Variants in UST observed in about 807,000 individuals in gnomAD.
UST encodes the protein uronyl 2-sulfotransferase.
A neutral mutation model predicts 45.6 loss-of-function variants in UST; 21 were observed. The observed-to-expected ratio is 0.46, with a 90% confidence interval of 0.33 to 0.66. The LOEUF (loss-of-function observed/expected upper bound fraction) is 0.66, where lower values mean the gene tolerates loss of function less well. Ranked by LOEUF, UST falls within the 30% of genes least tolerant of loss-of-function variation. The pLI, the probability that UST is intolerant of heterozygous loss-of-function variation, is 0.02. For synonymous variants in UST, 215 were observed against 200.6 expected (o/e 1.07, Z -0.61); for missense variants, 463 against 512.4 (o/e 0.90, Z 0.93).
intron 3 of UST, among the ~76,000 whole-genome samples, chr6:148,946,040 T>A (rs1305385828): frequency 6.6e-6 from 1 of 152,208 alleles, no homozygotes; most frequent in African/African-American, 2.4e-5. Flanking sequence ...CTTACAATAT[T>A]TTAAATTTCC....
At chr6:148,777,685 T>A (rs1301008431) in intron 1 of UST, among the ~76,000 whole-genome samples, 1 of 152,150 alleles carries the variant, frequency 6.6e-6, no homozygotes, top group African/African-American at 2.4e-5. Context: ...GCTGGGATTA[T>A]GGGCACCTGC....
chr6:148,997,809 G>A (rs528641265), intron 5 of UST, among the ~76,000 whole-genome samples: 11 of 152,252 alleles, frequency 7.2e-5, no homozygotes, highest in African/African-American at 1.7e-4. Context: ...TTGAGAAACC[G>A]AAGTTCCCTG....
At chr6:148,768,780 T>G (rs1221234589) in intron 1 of UST, among the ~76,000 whole-genome samples, 4 of 152,240 alleles carry the variant, frequency 2.6e-5, no homozygotes, top group Admixed American at 6.5e-5. Flanking sequence ...AAAGCCCTGT[T>G]TGTTGTTTGA....
chr6:148,878,240 G>A (rs1335267805), intron 1 of UST, among the ~76,000 whole-genome samples: 3 of 100,134 alleles, frequency 3.0e-5, no homozygotes, highest in Non-Finnish European at 4.1e-5. Context: ...GTGTATGAGT[G>A]CGGAGATCGT....
At chr6:148,821,853 T>C (rs991260234) in intron 1 of UST, among the ~76,000 whole-genome samples, 2 of 148,934 alleles carry the variant, frequency 1.3e-5, no homozygotes, top group Non-Finnish European at 3.0e-5. Context: ...TCTTACTTGA[T>C]TCAATGGTCT....
intron 1 of UST, among the ~76,000 whole-genome samples, chr6:148,792,498 G>A (rs1181905762): frequency 1.3e-5 from 2 of 152,140 alleles, no homozygotes; most frequent in South Asian, 2.1e-4. Context: ...AAAATCTTCC[G>A]AAAGGGAACA....
chr6:149,039,759 G>A (rs568365959), intron 7 of UST, among the ~76,000 whole-genome samples: 2 of 152,208 alleles, frequency 1.3e-5, no homozygotes, highest in Non-Finnish European at 2.9e-5. Flanking sequence ...CTGTCGCTGT[G>A]GCCCCTTAAG....
At chr6:149,055,317 G>A (rs1346269637) in intron 7 of UST, among the ~76,000 whole-genome samples, 1 of 152,100 alleles carries the variant, frequency 6.6e-6, no homozygotes, top group Non-Finnish European at 1.5e-5. Flanking sequence ...AATACAGTAT[G>A]GATTTAATGC....
chr6:148,939,987 A>T (rs1166023386), intron 2 of UST, among the ~76,000 whole-genome samples: 1 of 152,154 alleles, frequency 6.6e-6, no homozygotes, highest in Non-Finnish European at 1.5e-5. Context: ...CAGAATATAT[A>T]TATGGAACTC....
At chr6:148,881,052 G>A (rs1034580846) in intron 1 of UST, among the ~76,000 whole-genome samples, 1 of 151,762 alleles carries the variant, frequency 6.6e-6, no homozygotes, top group African/African-American at 2.4e-5. Flanking sequence ...AAATTAAACC[G>A]TTAGTGTAGT....
intron 1 of UST, among the ~76,000 whole-genome samples, chr6:148,774,291 A>ATAT (rs1562563682): frequency 3.3e-4 from 48 of 146,192 alleles, no homozygotes; most frequent in African/African-American, 1.1e-3. Flanking sequence ...TATATATATA[A>ATAT]AAATATAATG....
At chr6:148,851,602 T>C (rs73001134) in intron 1 of UST, among the ~76,000 whole-genome samples, 1,600 of 152,330 alleles carry the variant, frequency 0.011, 20 homozygotes, top group Admixed American at 0.021. Context: ...TTGGCAAACT[T>C]TTCTGCTCAG....
At chr6:148,901,194 A>C (rs1469046935) in intron 2 of UST, among the ~76,000 whole-genome samples, 2 of 152,216 alleles carry the variant, frequency 1.3e-5, no homozygotes, top group East Asian at 3.9e-4. Flanking sequence ...CTTCTCAAGA[A>C]CAGGCGCATG....
chr6:148,868,898 G>A (rs764386246), intron 1 of UST, among the ~76,000 whole-genome samples: 9 of 152,190 alleles, frequency 5.9e-5, no homozygotes, highest in African/African-American at 7.2e-5. Flanking sequence ...AAATATAATC[G>A]TAAGAGTTAC....
In UST at chr6:148,849,541, T is replaced by C. The variant is rs116588362; in HGVS notation, c.248-37445T>C. Among the ~76,000 whole-genome samples the C allele has an allele frequency of 3.7e-3, 564 of 152,300 alleles. 4 individuals carry two copies. Among genetic ancestry groups the C allele is most frequent in the African/African-American group, 0.013 (538 of 41,566 alleles). ...ACTCCTATAAGGACATACTTGAGAC[T>C]GGGTAATTTTTAAAGGAAAGAGATT... On this transcript the variant is annotated intron_variant, in intron 1 of 7. Coordinates refer to ENST00000367463, the MANE Select transcript of UST (RefSeq NM_005715.3).
intron 2 of UST, among the ~76,000 whole-genome samples, chr6:148,921,657 T>G (rs1779709217): frequency 6.6e-6 from 1 of 152,194 alleles, no homozygotes; most frequent in Admixed American, 6.5e-5. Context: ...CCAAGCTTTC[T>G]GCACTCCAGG....
At chr6:148,825,280 A>G (rs1254085356) in intron 1 of UST, among the ~76,000 whole-genome samples, 1 of 152,158 alleles carries the variant, frequency 6.6e-6, no homozygotes, top group African/African-American at 2.4e-5. Context: ...TGGAGGCTGA[A>G]GTTATTTTGC....
intron 5 of UST, among the ~76,000 whole-genome samples, chr6:148,997,152 T>A (rs11155611): frequency 0.22 from 34,185 of 152,152 alleles, 3,894 homozygotes; most frequent in Non-Finnish European, 0.25. Context: ...TAAATGTATA[T>A]ATCCTAAGAT....
At chr6:148,899,861 G>A (rs949495136) in intron 2 of UST, among the ~76,000 whole-genome samples, 7 of 152,174 alleles carry the variant, frequency 4.6e-5, no homozygotes, top group African/African-American at 1.7e-4. Flanking sequence ...GCAAGAGAAG[G>A]ATTTAGCTCT....
Sources: gnomAD v4.1 joint callset for allele counts (sites outside exome capture counted in the v4.1 genomes callset) on GRCh38, gnomAD v4.1.1 for gene constraint, MANE v1.5 for transcripts, NCBI Gene and HGNC (gene_info 2026-07-23, HGNC 2026-07-21) for gene names.